The following BNIP5 variants were observed in gnomAD, a reference collection of about 807,000 sequenced individuals.
The protein encoded by BNIP5 is BCL2 interacting protein 5.
In BNIP5, 61 loss-of-function variants were observed where a neutral mutation model predicts 67.3. The observed-to-expected ratio is 0.91, with a 90% CI of 0.74 to 1.12. The LOEUF (loss-of-function observed/expected upper bound fraction) is 1.12, where lower values mean the gene tolerates loss of function less well. BNIP5 is among the 50% of genes most tolerant of loss of function. BNIP5 has a pLI of 0.00. For missense variants in BNIP5, 826 were observed against 816.3 expected (o/e 1.01, Z -0.14); for synonymous variants, 317 against 319.0 (o/e 0.99, Z 0.07).
intron 6 of BNIP5, among the ~76,000 whole-genome samples, chr6:36,324,571 G>A (rs1189608393): frequency 1.3e-5 from 1 of 74,246 alleles, no homozygotes; most frequent in African/African-American, 5.9e-5. Flanking sequence ...ACCTGACGGT[G>A]ATATTATATA....
intron 7 of BNIP5, 52 bp from the exon 8 acceptor site, chr6:36,323,585 C>T: frequency 1.2e-6 from 2 of 1,605,898 alleles, no homozygotes; most frequent in Non-Finnish European, 1.7e-6. Context: ...TTGAGGAGAT[C>T]TCAGGTGAGG....
At chr6:36,328,772 C>T in intron 2 of BNIP5, 58 bp from the exon 3 acceptor site, 1 of 1,019,294 alleles carries the variant, frequency 9.8e-7, no homozygotes, top group African/African-American at 1.6e-5. Flanking sequence ...GTGTCAGTGA[C>T]ATTCTCCTGA....
intron 6 of BNIP5, 78 bp from the exon 7 acceptor site, chr6:36,324,268 C>T (rs1771705699): frequency 7.7e-7 from 1 of 1,293,404 alleles, no homozygotes; most frequent in East Asian, 2.3e-5. Flanking sequence ...TCCTAATGCC[C>T]CGGTGGCTCC....
In BNIP5 at chr6:36,330,241, G is replaced by T. The variant is rs778172884; in HGVS notation, c.450C>A (p.His150Gln). ...GCTTCTTGCGGCTGGGCTTCTTGTCGTGGTGGGCTTTCTTCCTGAGGGCTG... is the reference window on the plus strand; with the variant it reads ...GCTTCTTGCGGCTGGGCTTCTTGTCTTGGTGGGCTTTCTTCCTGAGGGCTG... ...GEPALRKKAHHDKKPSRKKQG... is the reference protein window; with the variant it reads ...GEPALRKKAHQDKKPSRKKQG... Residue 150 changes from histidine to glutamine, a missense_variant, in exon 2 of 12, where the codon CAC (histidine) becomes CAA (glutamine). Physicochemically the swap from His to Gln is conservative, Grantham distance 24 (BLOSUM62 0). Coordinates refer to ENST00000437635, the MANE Select transcript of BNIP5 (RefSeq NM_001010903.5). The T allele has an allele frequency of 1.9e-6, 3 of 1,614,138 alleles. No homozygotes were observed. The highest frequency in any genetic ancestry group is 2.5e-6 in the Non-Finnish European group (3 of 1,180,014).
At chr6:36,323,652 G>T in intron 7 of BNIP5, 119 bp from the exon 8 acceptor site, 1 of 1,140,764 alleles carries the variant, frequency 8.8e-7, no homozygotes, top group Non-Finnish European at 1.3e-6. Flanking sequence ...AGTGGTTGAT[G>T]CTCAGTGCTG....
intron 1 of BNIP5, 71 bp from the exon 2 acceptor site, chr6:36,330,765 G>A: frequency 1.3e-6 from 2 of 1,495,690 alleles, no homozygotes; most frequent in Admixed American, 2.3e-5. Context: ...TGTTTGTTTT[G>A]TTTGTTTTTG....
chr6:36,317,389 G>A lies in BNIP5; in HGVS notation c.1926C>T (p.Asn642=). ...GACTTTCAACCTTAGGACTTGTGATGTTCTGGGAAGAGAAAAAGAACATAG... is the reference window on the plus strand; with the variant it reads ...GACTTTCAACCTTAGGACTTGTGATATTCTGGGAAGAGAAAAAGAACATAG... ...TQFPYREDQP[N]ITSPKVESPD is the part of the protein sequence containing the mutation. The change falls in exon 12 of 12, where the codon AAC becomes AAT. Residue 642 remains asparagine, a splice_region_variant and synonymous_variant. Transcript: ENST00000437635. 6.2e-7 allele frequency: 1 copy of A among 1,613,056 alleles called. No homozygotes were observed. The highest frequency in any genetic ancestry group is 8.5e-7 in the Non-Finnish European group (1 of 1,179,012).
intron 9 of BNIP5, among the ~76,000 whole-genome samples, chr6:36,321,988 T>C (rs1032240739): frequency 4.6e-5 from 7 of 152,188 alleles, no homozygotes; most frequent in African/African-American, 1.7e-4. Flanking sequence ...CTTCTCCCAT[T>C]GGAGAGCCTG....
At chr6:36,320,770 G>A (rs1205141995) in intron 10 of BNIP5, among the ~76,000 whole-genome samples, 2 of 152,200 alleles carry the variant, frequency 1.3e-5, no homozygotes, top group Non-Finnish European at 2.9e-5. Flanking sequence ...GAGTGAACCC[G>A]GAGACCACAG....
chr6:36,327,116 C>T (rs766337667), intron 3 of BNIP5, 22 bp from the exon 4 acceptor site: 21 of 1,605,924 alleles, frequency 1.3e-5, no homozygotes, highest in South Asian at 8.8e-5. Context: ...CAAATGCATC[C>T]GGTTATTCTT....
intron 11 of BNIP5, among the ~76,000 whole-genome samples, chr6:36,318,592 T>C (rs1771568031): frequency 6.6e-6 from 1 of 150,932 alleles, no homozygotes; most frequent in Non-Finnish European, 1.5e-5. Context: ...CGTGGTGGCA[T>C]GCTCCTGTAG....
chr6:36,319,287 A>G (rs1771581667), intron 11 of BNIP5, 69 bp downstream of exon 11: 3 of 1,576,750 alleles, frequency 1.9e-6, no homozygotes, highest in Admixed American at 3.4e-5. Context: ...AGTAGATCCC[A>G]CTGGAGGCCA....
intron 5 of BNIP5, among the ~76,000 whole-genome samples, chr6:36,325,923 G>C (rs1051760199): frequency 1.3e-5 from 2 of 152,170 alleles, no homozygotes; most frequent in Non-Finnish European, 2.9e-5. Context: ...CATCATCCAT[G>C]GGCCATGTGG....
In BNIP5 at chr6:36,319,411, A is replaced by C; in HGVS notation, c.1868T>G (p.Met623Arg). 6.2e-7 allele frequency: 1 copy of C among 1,614,142 alleles called. No individual in the cohort carries two copies. The highest frequency in any genetic ancestry group is 1.1e-5 in the South Asian group (1 of 91,068). ...GCAATTGTAGTGGTCTCTTAGGCCC[A>C]TGAGGATGCACATGGCATGGCTGTT... Reference protein sequence around the residue: ...GSNSHAMCILMGLRDHYNCTQ... With the variant: ...GSNSHAMCILRGLRDHYNCTQ... Residue 623 changes from methionine to arginine, a missense_variant, in exon 11 of 12, where the codon ATG becomes AGG. Transcript: ENST00000437635.
rs377279534 is a variant in BNIP5, at chr6:36,330,136, G to A, written c.555C>T (p.Ser185=). Residue 185 remains serine, a synonymous_variant, in exon 2 of 12, where the codon TCC becomes TCT. Transcript: ENST00000437635. ...QEARGREEGL[S]KAAAALRSGE... ...CGGAGCGCAAGGCAGCAGCTGCCTT[G>A]GACAACCCTTCCTCTCGGCCTCTGG... The A allele has an allele frequency of 4.5e-5, 72 of 1,612,842 alleles. No individual in the cohort carries two copies. Among genetic ancestry groups the A allele is most frequent in the African/African-American group, 6.7e-5 (5 of 74,920 alleles).
chr6:36,327,585 GCTAA>G (rs1452548148), intron 3 of BNIP5, among the ~76,000 whole-genome samples: 1 of 152,184 alleles, frequency 6.6e-6, no homozygotes, highest in Non-Finnish European at 1.5e-5. Context: ...AGATACCTGG[GCTAA>G]CTAAGGTGGA....
chr6:36,329,098 G>C (rs1046903024), intron 2 of BNIP5, among the ~76,000 whole-genome samples: 1 of 152,162 alleles, frequency 6.6e-6, no homozygotes, highest in Non-Finnish European at 1.5e-5. Context: ...TTTACATGTG[G>C]GGAATCAAAA....
intron 1 of BNIP5, among the ~76,000 whole-genome samples, chr6:36,331,150 C>T (rs80036418): frequency 5.5e-4 from 84 of 152,334 alleles, no homozygotes; most frequent in African/African-American, 1.7e-3. Context: ...TGCCCACTAA[C>T]GTGAGTAGTG....
Position 36,330,472 on chromosome 6 carries a change from A to C in BNIP5, c.219T>G (p.Ala73=), listed in dbSNP as rs746463166. The part of the protein sequence containing the change: ...APSAEAHCTT[A]AAPTPEETGD... The stretch of plus-strand genomic sequence containing the variant: ...CGGTCTCCTCGGGAGTGGGGGCTGC[A>C]GCGGTGGTGCAGTGAGCCTCTGCAG... Residue 73 remains alanine (A), a synonymous_variant, in exon 2 of 12, where the codon GCT becomes GCG. Coordinates refer to ENST00000437635, the MANE Select transcript of BNIP5 (RefSeq NM_001010903.5). The C allele has an allele frequency of 2.5e-6, 4 of 1,614,166 alleles. No homozygotes were observed. Among genetic ancestry groups the C allele is most frequent in the East Asian group, 2.2e-5 (1 of 44,864 alleles).
Sources: allele counts gnomAD v4.1 joint callset (sites outside exome capture counted in the v4.1 genomes callset), GRCh38; gene constraint gnomAD v4.1.1; transcripts MANE v1.5; gene names NCBI Gene and HGNC (gene_info 2026-07-23, HGNC 2026-07-21).